Variants in HMCN2 observed in about 807,000 individuals in gnomAD.
HMCN2 encodes the protein hemicentin-2.
HMCN2 carries 325 observed loss-of-function variants against 377.5 expected under a neutral mutation model. The ratio of observed to expected loss-of-function variants is 0.86; its 90% CI spans 0.79 to 0.94. HMCN2 has a LOEUF of 0.94. HMCN2 is among the 40% of genes least tolerant of loss of function. The pLI, the probability that HMCN2 is intolerant of heterozygous loss-of-function variation, is 0.00. For missense variants in HMCN2, 4,543 were observed against 4,725.3 expected (o/e 0.96, Z 1.13); for synonymous variants, 2,007 against 2,046.8 (o/e 0.98, Z 0.53).
intron 22 of HMCN2, among the ~76,000 whole-genome samples, chr9:130,331,858 A>G (rs1414053910): frequency 6.6e-6 from 1 of 152,154 alleles, no homozygotes; most frequent in Non-Finnish European, 1.5e-5. Flanking sequence ...CCAAATCCCT[A>G]ATCCCAGCGC....
intron 86 of HMCN2, among the ~76,000 whole-genome samples, chr9:130,419,974 C>T (rs78880657): frequency 0.14 from 20,848 of 151,694 alleles, 1,732 homozygotes; most frequent in South Asian, 0.23. Flanking sequence ...GAAAGTTCAG[C>T]GGTTCTCTGA....
rs1837010743 is a variant in HMCN2, at chr9:130,308,339, A to G, written c.2200+773A>G. ...TGATAGTGCCGACGATAATGTGATT[A>G]TCTGAAAATGACAGCAATAATGACA... On this transcript the variant is annotated intron_variant, in intron 14 of 97. Coordinates refer to ENST00000683500, the MANE Select transcript of HMCN2 (RefSeq NM_001291815.2). The surrounding 1 kb of genome is among the most constrained non-coding windows in gnomAD (Gnocchi z 4.1). Among the ~76,000 whole-genome samples the G allele has an allele frequency of 6.6e-6, 1 of 152,206 alleles. No individual in the cohort carries two copies.
rs1844122699 is a variant in HMCN2, at chr9:130,423,270, G to T, written c.13381+544G>T. On this transcript the variant is annotated intron_variant, in intron 87 of 97. Coordinates refer to ENST00000683500, the MANE Select transcript of HMCN2 (RefSeq NM_001291815.2). This position sits in a 1 kb window ranked among gnomAD's most constrained non-coding sequence, Gnocchi z 5.5. ...TGAGAGACTTGCAGAGCTTGTGACA[G>T]TGGACGTCACTGTCTCTCCCTTCCC... is the stretch of plus-strand genomic sequence containing the variant. Among the ~76,000 whole-genome samples the T allele has an allele frequency of 6.6e-6, 1 of 152,200 alleles. No homozygotes were observed. The highest frequency in any genetic ancestry group is 6.5e-5 in the Admixed American group (1 of 15,282).
chr9:130,371,414 G>GA (rs10659347), intron 46 of HMCN2, among the ~76,000 whole-genome samples: 5,012 of 147,034 alleles, frequency 0.034, 251 homozygotes, highest in African/African-American at 0.11. Context: ...AAGTCCTGCA[G>GA]AAAAAAAAAA....
chr9:130,349,130 CAGTG>C lies in HMCN2; in HGVS notation c.4303+6_4303+9del, dbSNP rs1244138887. ...AGAGGGACTTCCATCTCCTTGTGCT[CAGTG>C]AGTGAGACCTGAGCCCTGTAACTCC... On this transcript the variant is annotated splice_donor_variant and splice_donor_region_variant and coding_sequence_variant and intron_variant, in exon 28 of 98. Transcript: ENST00000683500. LOFTEE classifies it high-confidence loss of function. The C allele has an allele frequency of 7.7e-7, 1 of 1,303,914 alleles. No homozygotes were observed. Among genetic ancestry groups the C allele is most frequent in the Admixed American group, 2.3e-5 (1 of 43,550 alleles). The allele number at this position is 1,303,914 out of a possible 1,614,324, so 80.8% of individuals were successfully genotyped here.
chr9:130,424,680 C>T, intron 87 of HMCN2, 96 bp from the exon 88 acceptor site: 5 of 1,336,024 alleles, frequency 3.7e-6, no homozygotes, highest in Non-Finnish European at 4.9e-6. Flanking sequence ...GCTGAGCTCT[C>T]CTGGGGGCAG....
chr9:130,405,385 C>T (rs1027804786), intron 81 of HMCN2, among the ~76,000 whole-genome samples: 5 of 152,228 alleles, frequency 3.3e-5, no homozygotes, highest in Admixed American at 2.6e-4. Flanking sequence ...TGGCATTAAC[C>T]GTCCTCTGGG....
intron 15 of HMCN2, among the ~76,000 whole-genome samples, chr9:130,317,474 T>TCTCC (rs1192234576): frequency 7.9e-5 from 2 of 25,320 alleles, no homozygotes; most frequent in Non-Finnish European, 3.0e-4. Context: ...ACCATCTCTC[T>TCTCC]CTCTCTCTCT....
intron 43 of HMCN2, among the ~76,000 whole-genome samples, chr9:130,366,338 G>A (rs564261692): frequency 6.6e-6 from 1 of 152,252 alleles, no homozygotes; most frequent in South Asian, 2.1e-4. Flanking sequence ...ACCCACATTA[G>A]TCTTTCTGTG....
chr9:130,325,820 G>A lies in HMCN2; in HGVS notation c.3043G>A (p.Ala1015Thr), dbSNP rs1260872057. 1.3e-5 allele frequency: 2 copies of A among 152,300 alleles called. No individual in the cohort carries two copies. The highest frequency in any genetic ancestry group is 6.5e-5 in the Admixed American group (1 of 15,288). 9.4% of individuals were successfully genotyped at this position (152,300 alleles called of 1,614,324 possible). The change falls in exon 21 of 98, where the codon GCC becomes ACC. Residue 1015 changes from alanine to threonine, a missense_variant. Around this residue, in one of 5 missense-constraint regions of HMCN2, gnomAD observed 547 missense variants for 189.9 expected, o/e 2.88. Transcript: ENST00000683500. ...PTITWTKETNALTSRGPHYNV... is the reference protein window; with the variant it reads ...PTITWTKETNTLTSRGPHYNV... Reference sequence around the variant, plus strand: ...TGTGCCTCTGCCCTAGGAAACCAATGCCCTGACCTCCAGAGGTCCCCACTA... The same window carrying A: ...TGTGCCTCTGCCCTAGGAAACCAATACCCTGACCTCCAGAGGTCCCCACTA...
chr9:130,399,316 G>A (rs1461874352), intron 75 of HMCN2, among the ~76,000 whole-genome samples, 195 bp from the exon 76 acceptor site: 4 of 151,618 alleles, frequency 2.6e-5, no homozygotes, highest in Non-Finnish European at 5.9e-5. Context: ...CAGAGAAACA[G>A]GGATGAAAAC....
chr9:130,331,156 TA>T (rs878935592), intron 22 of HMCN2, among the ~76,000 whole-genome samples: 6,139 of 139,106 alleles, frequency 0.044, 141 homozygotes, highest in African/African-American at 0.075. Context: ...GACTCTGTCT[TA>T]AAAAAAAAAA....
chr9:130,364,861 A>G lies in HMCN2; in HGVS notation c.6380A>G (p.His2127Arg). The G allele has an allele frequency of 1.0e-6, 1 of 985,746 alleles. No individual in the cohort carries two copies. Among genetic ancestry groups the G allele is most frequent in the Non-Finnish European group, 1.2e-6 (1 of 829,958 alleles). 61.1% of individuals were successfully genotyped at this position (985,746 alleles called of 1,614,324 possible). Residue 2127 changes from histidine to arginine, a missense_variant, in exon 41 of 98, where the codon CAC becomes CGC. Coordinates refer to ENST00000683500, the MANE Select transcript of HMCN2 (RefSeq NM_001291815.2). ...CCCCTGGAACCACGGCCTGGAGTCC[A>G]CCTCTCCGCAGACAAAGCCTTGCTG... is the stretch of plus-strand genomic sequence containing the variant. ...GRPLEPRPGV[H>R]LSADKALLQV...
intron 22 of HMCN2, among the ~76,000 whole-genome samples, chr9:130,330,273 G>A (rs74192320): frequency 0.24 from 36,899 of 151,886 alleles, 4,657 homozygotes; most frequent in African/African-American, 0.3. Context: ...AGGGCTCCAC[G>A]GCAGCCCCTT....
chr9:130,425,113 G>C lies in HMCN2; in HGVS notation c.13624G>C (p.Ala4542Pro). Residue 4542 changes from alanine to proline, a missense_variant, in exon 89 of 98, where the codon GCA (alanine) becomes CCA (proline). Physicochemically the swap from Ala to Pro is conservative, Grantham distance 27. This residue lies in a region of HMCN2 where 1,155 missense variants were observed against 1,157.7 expected (regional missense o/e 1.00). Transcript: ENST00000683500. Reference sequence around the variant, plus strand: ...CGTTGTCCCCGAGAGCCTGGCTGACGCAGATCTTCAAGTGCAGGTCGGGGG... The same window carrying C: ...CGTTGTCCCCGAGAGCCTGGCTGACCCAGATCTTCAAGTGCAGGTCGGGGG... ...NGVVPESLAD[A>P]DLQVQDFEEH... 1 of 1,549,324 alleles carries C rather than the reference G, an allele frequency of 6.5e-7. No homozygotes were observed. The highest frequency in any genetic ancestry group is 1.2e-5 in the South Asian group (1 of 83,942).
Position 130,430,761 on chromosome 9 carries a change from G to A in HMCN2, c.14647+157G>A, listed in dbSNP as rs538763548. 261 of 670,680 alleles carry A rather than the reference G, an allele frequency of 3.9e-4. 4 individuals carry two copies. In the Middle Eastern group the frequency reaches 4.6e-3, roughly 12 times the overall value. The allele number at this position is 670,680 out of a possible 1,614,324, so 41.5% of individuals were successfully genotyped here. On this transcript the variant is annotated intron_variant, in intron 95 of 97. Transcript: ENST00000683500. ...TGGATGGTGGCTTCTCCAATGCAGGGTGTCTCAGAGCCTTGGCTGTGCTAT... is the reference window on the plus strand; with the variant it reads ...TGGATGGTGGCTTCTCCAATGCAGGATGTCTCAGAGCCTTGGCTGTGCTAT...
chr9:130,358,080 G>A (rs951490300), intron 35 of HMCN2, 92 bp downstream of exon 35: 15 of 1,108,100 alleles, frequency 1.4e-5, no homozygotes, highest in Admixed American at 3.1e-5. Context: ...GCAAATCCCA[G>A]CAGGCTGGGC....
Position 130,359,422 on chromosome 9 carries a change from C to T in HMCN2, c.5773+8C>T, listed in dbSNP as rs746417352. 6.2e-6 allele frequency: 8 copies of T among 1,291,062 alleles called. No homozygotes were observed. In the South Asian group the frequency reaches 8.7e-5, roughly 14 times the overall value. 80.0% of individuals were successfully genotyped at this position (1,291,062 alleles called of 1,614,324 possible). On this transcript the variant is annotated splice_region_variant and intron_variant, in intron 37 of 97. Transcript: ENST00000683500. ...CGGGCGTGCCCCCTCCTGGTAAGAC[C>T]CCTCCTCTTGGCTGAAAGCTACTTC...
Position 130,388,413 on chromosome 9 carries a change from C to G in HMCN2, c.9396C>G (p.Pro3132=), listed in dbSNP as rs1381759881. ...AGTCTGGCTTTCTTCCTGCAGTGCC[C>G]CCAACATTTGAGAACCCCAAGACAG... The part of the protein sequence containing the change: ...VRTFTLTVQV[P]PTFENPKTET... Residue 3132 remains proline (P), a synonymous_variant, in exon 62 of 98, where the codon CCC becomes CCG. Coordinates refer to ENST00000683500, the MANE Select transcript of HMCN2 (RefSeq NM_001291815.2). The G allele has an allele frequency of 9.1e-6, 9 of 987,838 alleles. No homozygotes were observed. Among genetic ancestry groups the G allele is most frequent in the Non-Finnish European group, 1.1e-5 (9 of 830,106 alleles). 61.2% of individuals were successfully genotyped at this position (987,838 alleles called of 1,614,324 possible). A position where few individuals can be genotyped will look rare whatever the true frequency, so the allele number is the denominator to read the frequency against.
Sources: allele counts gnomAD v4.1 joint callset (sites outside exome capture counted in the v4.1 genomes callset), GRCh38; gene constraint gnomAD v4.1.1; regional missense constraint gnomAD v4.1.1; non-coding constraint Gnocchi (gnomAD v3.1); transcripts MANE v1.5; gene names NCBI Gene and HGNC (gene_info 2026-07-23, HGNC 2026-07-21).